Variants in PDLIM5 observed in about 807,000 individuals in gnomAD.
PDLIM5 encodes PDZ and LIM domain 5.
A neutral mutation model predicts 64.2 loss-of-function variants in PDLIM5; 34 were observed. That is an observed-to-expected ratio of 0.53 (90% CI 0.40 to 0.71). The LOEUF is 0.71. PDLIM5 is among the 30% of genes least tolerant of loss of function. The pLI is 0.00. For synonymous variants in PDLIM5, 253 were observed against 269.1 expected, an observed-to-expected ratio of 0.94 and a Z score of 0.59; for missense variants, 683 against 733.6, an observed-to-expected ratio of 0.93 and a Z score of 0.80.
At chr4:94,574,678 G>T (rs1329787902) in intron 4 of PDLIM5, among the ~76,000 whole-genome samples, 1 of 152,010 alleles carries the variant, frequency 6.6e-6, no homozygotes, top group Non-Finnish European at 1.5e-5. Flanking sequence ...CCCGCCTCCT[G>T]GGATTTATTC....
At chr4:94,576,386 A>C (rs912307272) in intron 5 of PDLIM5, among the ~76,000 whole-genome samples, 3 of 152,124 alleles carry the variant, frequency 2.0e-5, no homozygotes, top group Non-Finnish European at 4.4e-5. Flanking sequence ...AGGCCACCAA[A>C]AGTTCAAACA....
At chr4:94,523,896 C>G (rs749230520) in intron 3 of PDLIM5, 21 bp downstream of exon 3, 3 of 1,591,230 alleles carry the variant, frequency 1.9e-6, no homozygotes, top group Non-Finnish European at 2.6e-6. Flanking sequence ...TTTTGTTTGT[C>G]CCTGAAAGAG....
At chr4:94,600,610 G>A (rs1478560443) in intron 7 of PDLIM5, among the ~76,000 whole-genome samples, 1 of 151,852 alleles carries the variant, frequency 6.6e-6, no homozygotes, top group Admixed American at 6.6e-5. Context: ...CTACAAAATG[G>A]CAGATTTTTG....
chr4:94,542,368 T>C (rs974570757), intron 3 of PDLIM5, among the ~76,000 whole-genome samples: 5 of 151,978 alleles, frequency 3.3e-5, no homozygotes, highest in African/African-American at 7.3e-5. Flanking sequence ...CTCTTTGCTC[T>C]CCAACACAAG....
chr4:94,547,654 C>A (rs1280684671), intron 3 of PDLIM5, among the ~76,000 whole-genome samples: 1 of 152,194 alleles, frequency 6.6e-6, no homozygotes, highest in Non-Finnish European at 1.5e-5. Flanking sequence ...CTGTCTAACA[C>A]ATTTTGTCTT....
chr4:94,536,735 GTTA>G (rs2110170980), intron 3 of PDLIM5, among the ~76,000 whole-genome samples: 1 of 152,280 alleles, frequency 6.6e-6, no homozygotes, highest in East Asian at 1.9e-4. Flanking sequence ...TTGTCCTTTA[GTTA>G]ATGGCAGCAG....
chr4:94,647,807 A>C (rs1162057567), intron 9 of PDLIM5, among the ~76,000 whole-genome samples: 1 of 152,224 alleles, frequency 6.6e-6, no homozygotes, highest in African/African-American at 2.4e-5. Context: ...GATCATACAA[A>C]GTATGCTCTC....
intron 3 of PDLIM5, among the ~76,000 whole-genome samples, chr4:94,569,947 T>G (rs746411128): frequency 6.6e-6 from 1 of 152,132 alleles, no homozygotes; most frequent in Non-Finnish European, 1.5e-5. Context: ...TTTTCTTCCT[T>G]TCTTCCATCC....
intron 2 of PDLIM5, among the ~76,000 whole-genome samples, chr4:94,484,059 A>G (rs1253676254): frequency 6.6e-6 from 1 of 152,218 alleles, no homozygotes; most frequent in East Asian, 1.9e-4. Flanking sequence ...AACAAGGTAC[A>G]TTCTGTGCAA....
At chr4:94,477,361 G>A (rs528223615) in intron 2 of PDLIM5, among the ~76,000 whole-genome samples, 4 of 152,306 alleles carry the variant, frequency 2.6e-5, no homozygotes, top group African/African-American at 7.2e-5. Flanking sequence ...ATATGAGTTA[G>A]TAAATTTTGG....
At chr4:94,658,074 C>T (rs954552338) in intron 11 of PDLIM5, among the ~76,000 whole-genome samples, 1 of 152,164 alleles carries the variant, frequency 6.6e-6, no homozygotes, top group African/African-American at 2.4e-5. Flanking sequence ...GTAAGCATTA[C>T]TTAGTAGGAA....
rs537026896 is a variant in PDLIM5, at chr4:94,625,489, GTT to G, written c.1108+7299_1108+7300del. 2.6e-3 allele frequency among the ~76,000 whole-genome samples: 383 copies of G among 147,190 alleles called. 5 individuals carry two copies. Among genetic ancestry groups the G allele is most frequent in the African/African-American group, 9.2e-3 (365 of 39,796 alleles). On this transcript the variant is annotated intron_variant, in intron 8 of 12. Coordinates refer to ENST00000317968, the MANE Select transcript of PDLIM5 (RefSeq NM_006457.5). ...TTTTTTTGAGACAGAGTCTCTCTGT[GTT>G]GCCCAGGCTGGAGTGCAGTGGCGCT...
chr4:94,517,275 G>A (rs188881791), intron 2 of PDLIM5, among the ~76,000 whole-genome samples: 2 of 152,264 alleles, frequency 1.3e-5, no homozygotes, highest in South Asian at 2.1e-4. Flanking sequence ...TTGCAAGGGG[G>A]TGGTGACGCA....
rs1369364649 is a variant in PDLIM5 at position 94,585,634 on chromosome 4, C to T, written c.780C>T (p.Ser260=). The change falls in exon 6 of 13, where the codon AGC becomes AGT. Residue 260 remains serine (S), a synonymous_variant. Transcript: ENST00000317968. ...ATGTACCCACTCACAGTGATGCCAG[C>T]AAGAAGAGACTGATTGAGGATACTG... ...FYHVPTHSDA[S]KKRLIEDTED... The T allele has an allele frequency of 3.1e-6, 5 of 1,612,652 alleles. No homozygotes were observed. The highest frequency in any genetic ancestry group is 2.7e-5 in the African/African-American group (2 of 74,706).
chr4:94,540,129 CTT>C (rs1245107476), intron 3 of PDLIM5, among the ~76,000 whole-genome samples: 13 of 133,642 alleles, frequency 9.7e-5, no homozygotes, highest in Non-Finnish European at 1.6e-4. Context: ...TGCTACTATT[CTT>C]CTTTTTTTTT....
At chr4:94,537,176 G>A (rs972124025) in intron 3 of PDLIM5, among the ~76,000 whole-genome samples, 14 of 152,178 alleles carry the variant, frequency 9.2e-5, no homozygotes, top group African/African-American at 3.1e-4. Flanking sequence ...TATAGTAAGG[G>A]TTCATTTCCA....
At chr4:94,656,420 T>G (rs1196767088) in intron 10 of PDLIM5, among the ~76,000 whole-genome samples, 2 of 152,178 alleles carry the variant, frequency 1.3e-5, no homozygotes, top group East Asian at 3.9e-4. Context: ...GTTTAACCAT[T>G]GGGCCATTGC....
At chr4:94,652,020 G>A (rs771141551) in intron 9 of PDLIM5, among the ~76,000 whole-genome samples, 1 of 152,158 alleles carries the variant, frequency 6.6e-6, no homozygotes, top group Non-Finnish European at 1.5e-5. Context: ...TAGAAAATCT[G>A]GCAAATGGAA....
At chr4:94,467,400 C>T (rs1029887663) in intron 2 of PDLIM5, among the ~76,000 whole-genome samples, 6 of 151,824 alleles carry the variant, frequency 4.0e-5, no homozygotes, top group Non-Finnish European at 7.4e-5. Flanking sequence ...CTGCAACCTC[C>T]GCCTCCCGGC....
Sources: gnomAD v4.1 joint callset for allele counts (sites outside exome capture counted in the v4.1 genomes callset) on GRCh38, gnomAD v4.1.1 for gene constraint, MANE v1.5 for transcripts, NCBI Gene and HGNC (gene_info 2026-07-23, HGNC 2026-07-21) for gene names.